Variants in ERC1 observed in about 807,000 individuals in gnomAD.
The protein encoded by ERC1 is RAB6 interacting protein 2.
A neutral mutation model predicts 132.0 loss-of-function variants in ERC1; 56 were observed. The observed-to-expected ratio is 0.42, with a 90% CI of 0.34 to 0.53. The LOEUF (loss-of-function observed/expected upper bound fraction) is 0.53. ERC1 is among the 20% of genes least tolerant of loss of function. ERC1 has a pLI of 0.03. For synonymous variants in ERC1, 478 were observed against 476.1 expected (o/e 1.00, Z -0.05); for missense variants, 1,202 against 1,349.9 (o/e 0.89, Z 1.72).
chr12:1,134,522 A>AAT (rs1239298167), intron 7 of ERC1, among the ~76,000 whole-genome samples: 5 of 151,920 alleles, frequency 3.3e-5, no homozygotes, highest in Admixed American at 3.3e-4. Flanking sequence ...AATTAAAAAA[A>AAT]ATTTTTTTTT....
intron 3 of ERC1, among the ~76,000 whole-genome samples, chr12:1,097,947 T>G (rs572907014): frequency 1.3e-5 from 2 of 152,296 alleles, no homozygotes; most frequent in African/African-American, 4.8e-5. Flanking sequence ...ACTCCTGGCC[T>G]CAAGTGATCT....
intron 15 of ERC1, among the ~76,000 whole-genome samples, chr12:1,319,247 C>T (rs965157636): frequency 1.3e-5 from 2 of 152,118 alleles, no homozygotes; most frequent in African/African-American, 2.4e-5. Context: ...AAGAGTGAAA[C>T]TTTAAGAATA....
intron 2 of ERC1, among the ~76,000 whole-genome samples, chr12:1,040,553 A>C (rs1970031137): frequency 6.6e-6 from 1 of 151,824 alleles, no homozygotes; most frequent in Non-Finnish European, 1.5e-5. Flanking sequence ...TGATCCGCCC[A>C]CCTAGGCCTC....
At chr12:997,061 G>C (rs1386177757) in intron 1 of ERC1, among the ~76,000 whole-genome samples, 1 of 152,180 alleles carries the variant, frequency 6.6e-6, no homozygotes, top group Non-Finnish European at 1.5e-5. Context: ...TGGGACTGTA[G>C]CCATGTGCCA....
At chr12:1,395,704 C>T (rs912232402) in intron 16 of ERC1, among the ~76,000 whole-genome samples, 8 of 151,886 alleles carry the variant, frequency 5.3e-5, no homozygotes, top group African/African-American at 1.9e-4. Context: ...CCCATGCAAG[C>T]GTTTCTAAGG....
At chr12:1,410,144 A>G (rs1363507527) in intron 17 of ERC1, among the ~76,000 whole-genome samples, 3 of 152,166 alleles carry the variant, frequency 2.0e-5, no homozygotes, top group Non-Finnish European at 4.4e-5. Flanking sequence ...TTATATATAT[A>G]TATGTATGTA....
At chr12:1,263,296 T>C in intron 14 of ERC1, 131 bp downstream of exon 14, 55 of 685,826 alleles carry the variant, frequency 8.0e-5, no homozygotes, top group Non-Finnish European at 1.2e-4. Context: ...AGAGGAGAAG[T>C]CCCAAGGAGT....
At chr12:1,398,669 G>C (rs748430997) in intron 16 of ERC1, among the ~76,000 whole-genome samples, 11 of 152,130 alleles carry the variant, frequency 7.2e-5, no homozygotes, top group Non-Finnish European at 8.8e-5. Flanking sequence ...TAACAAAGTC[G>C]GTAGGTAGGT....
chr12:1,301,671 G>A (rs1222698903), intron 15 of ERC1, among the ~76,000 whole-genome samples: 15 of 152,130 alleles, frequency 9.9e-5, no homozygotes, highest in Admixed American at 5.2e-4. Context: ...AGGGTGGAGA[G>A]TGGAGGGTGG....
intron 7 of ERC1, among the ~76,000 whole-genome samples, chr12:1,136,815 A>G (rs1226154543): frequency 6.6e-6 from 1 of 151,882 alleles, no homozygotes; most frequent in Non-Finnish European, 1.5e-5. Flanking sequence ...CTAGATATCC[A>G]TGCATTTCTC....
intron 15 of ERC1, among the ~76,000 whole-genome samples, chr12:1,333,954 C>A (rs1446509429): frequency 6.6e-6 from 1 of 152,154 alleles, no homozygotes; most frequent in Admixed American, 6.5e-5. Context: ...GCCATTCTGA[C>A]TGGTGTGAGA....
At chr12:1,439,240 G>A (rs890590681) in intron 17 of ERC1, among the ~76,000 whole-genome samples, 3 of 152,194 alleles carry the variant, frequency 2.0e-5, no homozygotes, top group Non-Finnish European at 2.9e-5. Flanking sequence ...AGATGAGTGA[G>A]TTGCAGAAGT....
intron 7 of ERC1, among the ~76,000 whole-genome samples, chr12:1,125,880 A>G (rs184849426): frequency 1.3e-5 from 2 of 152,348 alleles, no homozygotes; most frequent in East Asian, 3.9e-4. Context: ...TAAATTTTGT[A>G]AGGAGGAGTT....
intron 13 of ERC1, chr12:1,257,019 G>A (rs73027444): frequency 0.022 from 3,346 of 150,626 alleles, 155 homozygotes; most frequent in South Asian, 0.061. Flanking sequence ...GTCCTCTCCC[G>A]CACCCTGTCA....
In ERC1 at chr12:1,319,425, G is replaced by C. The variant is rs111670486; in HGVS notation, c.2780+29413G>C. On this transcript the variant is annotated intron_variant, in intron 15 of 18. Transcript: ENST00000360905. Reference sequence around the variant, plus strand: ...CATGTGCCTGTTATCACATGATTCAGTTTGAGTTTCTATATTACACAATTT... The same window carrying C: ...CATGTGCCTGTTATCACATGATTCACTTTGAGTTTCTATATTACACAATTT... Among the ~76,000 whole-genome samples, 1,501 of 152,188 alleles carry C rather than the reference G, an allele frequency of 9.9e-3. 20 individuals carry two copies. Among genetic ancestry groups the C allele is most frequent in the African/African-American group, 0.034 (1,406 of 41,522 alleles).
chr12:1,045,324 A>G (rs1226750039), intron 2 of ERC1, among the ~76,000 whole-genome samples: 7 of 152,046 alleles, frequency 4.6e-5, no homozygotes, highest in African/African-American at 1.4e-4. Flanking sequence ...TTGCTGTTGT[A>G]TCCTTTAAAA....
chr12:1,302,435 T>A (rs1232173912), intron 15 of ERC1, among the ~76,000 whole-genome samples: 2 of 152,156 alleles, frequency 1.3e-5, no homozygotes, highest in Non-Finnish European at 2.9e-5. Context: ...GAGATAACAA[T>A]GTCTATATCC....
intron 13 of ERC1, among the ~76,000 whole-genome samples, chr12:1,248,574 G>A (rs187294190): frequency 6.6e-6 from 1 of 152,330 alleles, no homozygotes; most frequent in East Asian, 1.9e-4. Context: ...GTAAGGGTCA[G>A]GTCAAAAGGG....
intron 1 of ERC1, among the ~76,000 whole-genome samples, chr12:1,018,561 T>C (rs1400009168): frequency 6.6e-6 from 1 of 152,224 alleles, no homozygotes; most frequent in African/African-American, 2.4e-5. Context: ...AAAACTTTCT[T>C]AACTTGAGGA....
Sources: allele counts gnomAD v4.1 joint callset (sites outside exome capture counted in the v4.1 genomes callset), GRCh38; gene constraint gnomAD v4.1.1; transcripts MANE v1.5; gene names NCBI Gene and HGNC (gene_info 2026-07-23, HGNC 2026-07-21).